Variants in TTC34 observed in about 807,000 individuals in gnomAD.
TTC34 encodes the protein tetratricopeptide repeat protein 34.
TTC34 carries 44 observed loss-of-function variants against 40.7 expected under a neutral mutation model. The observed-to-expected ratio is 1.08, with a 90% CI of 0.85 to 1.39. The LOEUF (loss-of-function observed/expected upper bound fraction) is 1.39. Ranked by LOEUF, TTC34 falls within the 40% of genes most tolerant of loss-of-function variation. The probability of loss-of-function intolerance (pLI) is 0.00; values close to 1 mark genes in which losing one functional copy is unlikely to be tolerated. For synonymous variants in TTC34, 422 were observed against 398.6 expected (o/e 1.06, Z -0.70); for missense variants, 884 against 838.0 (o/e 1.05, Z -0.68).
chr1:2,641,730 G>A (rs1432797714), exon 9 of TTC34: 7 of 1,535,254 alleles, frequency 4.6e-6, no homozygotes, highest in Admixed American at 3.9e-5. Flanking sequence ...ACATGGTCCA[G>A]GTCCCTAAGG....
rs1643529288 is a variant in TTC34, at chr1:2,783,812, G to A, written c.2060-37C>T. 26 of 1,420,430 alleles carry A rather than the reference G, an allele frequency of 1.8e-5. No homozygotes were observed. In the South Asian group the frequency reaches 3.5e-4, roughly 19 times the overall value. The allele number at this position is 1,420,430 out of a possible 1,614,324, so 88.0% of individuals were successfully genotyped here. Reference sequence around the variant, plus strand: ...CGGCATGGGGTCAGGATGAGCCTATGCTGGGTCCCTTCCCCAGCATCTATC... The same window carrying A: ...CGGCATGGGGTCAGGATGAGCCTATACTGGGTCCCTTCCCCAGCATCTATC... On this transcript the variant is annotated intron_variant, in intron 5 of 8. Transcript: ENST00000401095.
chr1:2,641,664 G>T (rs545565598), exon 9 of TTC34: 1 of 1,535,284 alleles, frequency 6.5e-7, no homozygotes, highest in Non-Finnish European at 8.7e-7. Context: ...CGACCCTGAC[G>T]GCAGAAGTCC....
intron 6 of TTC34, among the ~76,000 whole-genome samples, chr1:2,683,299 C>G (rs1570803830): frequency 2.0e-5 from 3 of 147,166 alleles, no homozygotes; most frequent in Admixed American, 6.8e-5. Context: ...CAGCCTGGAA[C>G]AGAATCCACA....
chr1:2,749,847 C>G (rs1196039332), intron 6 of TTC34, among the ~76,000 whole-genome samples: 2 of 137,838 alleles, frequency 1.5e-5, no homozygotes, highest in African/African-American at 5.6e-5. Flanking sequence ...ACCCACACCC[C>G]CAGGTGAACA....
chr1:2,638,343 A>T lies in TTC34; in HGVS notation c.*3025T>A, dbSNP rs1638830613. 2.0e-5 allele frequency: 3 copies of T among 152,310 alleles called. 1 individual carries two copies. In the South Asian group the frequency reaches 6.2e-4, roughly 32 times the overall value. 9.4% of individuals were successfully genotyped at this position (152,310 alleles called of 1,614,324 possible). A position where few individuals can be genotyped will look rare whatever the true frequency, so the allele number is the denominator to read the frequency against. ...GGCTTGGCTTTATTGATGCAGGTAC[A>T]CTTACTAGAGATTCTGAATTTAATG... On this transcript the variant is annotated 3_prime_UTR_variant, in exon 9 of 9. Transcript: ENST00000401095.
chr1:2,780,719 G>C (rs190607037), intron 6 of TTC34, among the ~76,000 whole-genome samples: 1 of 152,266 alleles, frequency 6.6e-6, no homozygotes, highest in Admixed American at 6.5e-5. Flanking sequence ...TTCTTTTTCA[G>C]GGTTGTTTTG....
At position 2,645,034 on chromosome 1, in the gene TTC34, C is replaced by T. The variant is rs1393381805; in HGVS notation, c.2497+259G>A. ...AGGGGGCTGAGGGTCCAAGACCTTT[C>T]AAAGACCAAGATCACCCCTCGGTTT... On this transcript the variant is annotated intron_variant, in intron 7 of 8. Coordinates refer to ENST00000401095, the Ensembl canonical transcript of TTC34. The surrounding 1 kb of genome is among the most constrained non-coding windows in gnomAD (Gnocchi z 4.7). 6.6e-6 allele frequency among the ~76,000 whole-genome samples: 1 copy of T among 152,130 alleles called. No individual in the cohort carries two copies. Among genetic ancestry groups the T allele is most frequent in the South Asian group, 2.1e-4 (1 of 4,828 alleles).
chr1:2,767,413 C>T (rs1274679027), intron 6 of TTC34, among the ~76,000 whole-genome samples: 5 of 143,670 alleles, frequency 3.5e-5, no homozygotes, highest in African/African-American at 1.3e-4. Context: ...CCCAGGTGAG[C>T]ATCTGACCGC....
intron 6 of TTC34, among the ~76,000 whole-genome samples, chr1:2,684,337 T>G (rs1422153177): frequency 3.8e-5 from 3 of 79,238 alleles, no homozygotes; most frequent in Non-Finnish European, 7.4e-5. Context: ...CATCTGATGG[T>G]TTGCAGCAGC....
Position 2,788,269 on chromosome 1 carries a change from CGTT to C in TTC34, c.1629-566_1629-564del, listed in dbSNP as rs1428293455. On this transcript the variant is annotated intron_variant, in intron 3 of 8. Transcript: ENST00000401095. ...AGAGGAACTCTGTGTGTTTTGTGTG[CGTT>C]ATGTACATGTTGTGTGTTGTGTGTG... 2.3e-3 allele frequency among the ~76,000 whole-genome samples: 345 copies of C among 151,998 alleles called. 1 individual carries two copies. Among genetic ancestry groups the C allele is most frequent in the African/African-American group, 8.0e-3 (330 of 41,376 alleles).
rs1163826391 is a variant in TTC34, at chr1:2,641,910, C to G, written c.2713-15G>C. 36 of 1,456,952 alleles carry G rather than the reference C, an allele frequency of 2.5e-5. No homozygotes were observed. In the Admixed American group the frequency reaches 6.4e-4, roughly 26 times the overall value. 90.3% of individuals were successfully genotyped at this position (1,456,952 alleles called of 1,614,324 possible). ...TGGGCCGCCGCCTGCACAGAGGACA[C>G]AGAGAGAGGCAGGGAGAGTGGGGTC... On this transcript the variant is annotated splice_polypyrimidine_tract_variant and intron_variant, in intron 8 of 8. Transcript: ENST00000401095.
intron 6 of TTC34, among the ~76,000 whole-genome samples, chr1:2,699,404 AC>A (rs1489478850): frequency 8.3e-5 from 7 of 84,104 alleles, no homozygotes; most frequent in African/African-American, 2.3e-4. Flanking sequence ...CTGGAACAGC[AC>A]CCCACACCCC....
chr1:2,772,956 C>A (rs1290451999), intron 6 of TTC34, among the ~76,000 whole-genome samples: 1 of 127,386 alleles, frequency 7.9e-6, no homozygotes, highest in African/African-American at 2.8e-5. Flanking sequence ...GAGCATCTGA[C>A]AGCCTGGAGC....
intron 2 of TTC34, among the ~76,000 whole-genome samples, chr1:2,799,497 C>T (rs555385128): frequency 1.1e-3 from 162 of 152,092 alleles, no homozygotes; most frequent in African/African-American, 3.5e-3. Context: ...GAGCCGAGAT[C>T]GCCCCATTGC....
At chr1:2,639,026 C>T (rs1334227818) in exon 9 of TTC34, 1 of 152,280 alleles carries the variant, frequency 6.6e-6, no homozygotes, top group African/African-American at 2.4e-5. Flanking sequence ...TGGGTCTCCA[C>T]ATGGTGGAGG....
At chr1:2,694,050 A>C (rs1355683368) in intron 6 of TTC34, among the ~76,000 whole-genome samples, 157 of 11,572 alleles carry the variant, frequency 0.014, no homozygotes, top group Admixed American at 0.022. Flanking sequence ...ATCTCACAGC[A>C]CGTAACAGCA....
chr1:2,764,201 A>T (rs1223205538), intron 6 of TTC34, among the ~76,000 whole-genome samples: 1 of 149,162 alleles, frequency 6.7e-6, no homozygotes, highest in African/African-American at 2.5e-5. Context: ...AGCATCTGAC[A>T]GTCTGGAACA....
intron 2 of TTC34, among the ~76,000 whole-genome samples, chr1:2,791,131 C>T (rs368065026): frequency 4.3e-4 from 66 of 152,144 alleles, no homozygotes; most frequent in African/African-American, 1.5e-3. Context: ...ACCCTCCCCG[C>T]GCACCTGCCC....
At chr1:2,784,105 T>C (rs1255101791) in intron 5 of TTC34, among the ~76,000 whole-genome samples, 1 of 152,014 alleles carries the variant, frequency 6.6e-6, no homozygotes, top group Admixed American at 6.5e-5. Context: ...CCCGAACGGC[T>C]GAGCGCACTG....
Sources: gnomAD v4.1 joint callset for allele counts (sites outside exome capture counted in the v4.1 genomes callset) on GRCh38, gnomAD v4.1.1 for gene constraint, Gnocchi (gnomAD v3.1) non-coding constraint, MANE v1.5 for transcripts, NCBI Gene and HGNC (gene_info 2026-07-23, HGNC 2026-07-21) for gene names.